Variants in PSD3 observed in about 807,000 individuals in gnomAD.
The protein encoded by PSD3 is PH and SEC7 domain-containing protein 3.
PSD3 carries 49 observed loss-of-function variants against 105.5 expected under a neutral mutation model. That is an observed-to-expected ratio of 0.46 (90% CI 0.37 to 0.59). The LOEUF is 0.59. PSD3 is among the 20% of genes least tolerant of loss of function. The pLI is 0.00. For missense variants in PSD3, 1,561 were observed against 1,263.8 expected (o/e 1.24, Z -3.57); for synonymous variants, 557 against 457.8 (o/e 1.22, Z -2.77).
chr8:18,546,803 C>T (rs769481150), intron 15 of PSD3, among the ~76,000 whole-genome samples: 18 of 152,212 alleles, frequency 1.2e-4, no homozygotes, highest in Non-Finnish European at 2.1e-4. Context: ...ACCCCCACCT[C>T]AACCCCTGAT....
intron 9 of PSD3, among the ~76,000 whole-genome samples, chr8:18,730,538 A>G (rs906554728): frequency 4.6e-5 from 7 of 152,226 alleles, no homozygotes; most frequent in Non-Finnish European, 7.3e-5. Context: ...GGAAAGATAA[A>G]GAAAAGATAC....
intron 9 of PSD3, among the ~76,000 whole-genome samples, chr8:18,763,950 C>G (rs1228535883): frequency 6.6e-6 from 1 of 152,126 alleles, no homozygotes; most frequent in Non-Finnish European, 1.5e-5. Flanking sequence ...CATTGCACAA[C>G]AGCAACAAAT....
intron 1 of PSD3, among the ~76,000 whole-genome samples, chr8:19,019,408 T>G (rs747825668): frequency 2.6e-5 from 4 of 152,226 alleles, no homozygotes; most frequent in Non-Finnish European, 5.9e-5. Context: ...AATATGCATT[T>G]AAAGGAAAGG....
chr8:18,596,500 G>C (rs769658167), intron 12 of PSD3, among the ~76,000 whole-genome samples: 1 of 151,684 alleles, frequency 6.6e-6, no homozygotes, highest in African/African-American at 2.4e-5. Flanking sequence ...AAAGATTAGA[G>C]CAGAAATAAA....
At chr8:19,083,234 C>G (rs193051389) in intron 1 of PSD3, among the ~76,000 whole-genome samples, 28 of 152,334 alleles carry the variant, frequency 1.8e-4, no homozygotes, top group Non-Finnish European at 3.1e-4. Context: ...TAGCAAGATG[C>G]CCACACTGTG....
intron 9 of PSD3, among the ~76,000 whole-genome samples, chr8:18,731,115 A>G (rs1843965): frequency 0.94 from 137,744 of 146,418 alleles, 64,895 homozygotes; most frequent in Middle Eastern, 0.96. Flanking sequence ...AATTAGCTGG[A>G]CGTGGGGGCG....
At chr8:18,785,130 G>T (rs73666716) in intron 8 of PSD3, among the ~76,000 whole-genome samples, 4,109 of 152,146 alleles carry the variant, frequency 0.027, 156 homozygotes, top group African/African-American at 0.088. Flanking sequence ...TCACTCAGGA[G>T]GTCCATTTCA....
intron 3 of PSD3, among the ~76,000 whole-genome samples, chr8:18,871,186 C>T (rs1586283557): frequency 6.6e-6 from 1 of 152,142 alleles, no homozygotes; most frequent in East Asian, 1.9e-4. Context: ...GGACTGAAGG[C>T]ATTGGTGTTA....
intron 4 of PSD3, among the ~76,000 whole-genome samples, chr8:18,836,214 T>A (rs1252712911): frequency 6.6e-6 from 1 of 152,172 alleles, no homozygotes; most frequent in Non-Finnish European, 1.5e-5. Flanking sequence ...GAACTCACGT[T>A]TGATGCAGCA....
At chr8:18,842,499 C>T (rs754060691) in intron 4 of PSD3, among the ~76,000 whole-genome samples, 11 of 152,108 alleles carry the variant, frequency 7.2e-5, no homozygotes, top group East Asian at 5.8e-4. Context: ...TCGGGGAGTC[C>T]GAGGCGGGCG....
chr8:18,563,343 A>ATT (rs566307051), intron 14 of PSD3, among the ~76,000 whole-genome samples: 2 of 148,896 alleles, frequency 1.3e-5, no homozygotes, highest in African/African-American at 2.4e-5. Context: ...GAACAAATAG[A>ATT]TTTTTTTTTT....
intron 2 of PSD3, among the ~76,000 whole-genome samples, chr8:18,900,502 T>C (rs1247117826): frequency 6.6e-6 from 1 of 152,134 alleles, no homozygotes; most frequent in Non-Finnish European, 1.5e-5. Flanking sequence ...ACCCTTCTTA[T>C]AACATCATGA....
chr8:19,025,082 C>A (rs1827499988), intron 1 of PSD3, among the ~76,000 whole-genome samples: 1 of 152,042 alleles, frequency 6.6e-6, no homozygotes, highest in South Asian at 2.1e-4. Flanking sequence ...ATACTAGGGA[C>A]CAATAAGACC....
intron 1 of PSD3, among the ~76,000 whole-genome samples, chr8:19,066,796 C>T (rs1328510861): frequency 6.6e-6 from 1 of 152,188 alleles, no homozygotes; most frequent in East Asian, 1.9e-4. Flanking sequence ...ATAATAAATG[C>T]TCAATAAATG....
chr8:18,668,712 T>A (rs1373929505), intron 9 of PSD3, among the ~76,000 whole-genome samples: 2 of 152,180 alleles, frequency 1.3e-5, no homozygotes, highest in Middle Eastern at 3.2e-3. Context: ...CACACCTGTG[T>A]ACATATATAC....
At chr8:18,784,090 C>G (rs78820070) in intron 8 of PSD3, among the ~76,000 whole-genome samples, 4,070 of 152,148 alleles carry the variant, frequency 0.027, 185 homozygotes, top group African/African-American at 0.091. Context: ...TTTTCAATCC[C>G]TTTTTGCGAA....
At chr8:18,937,275 A>G (rs1477363171) in intron 1 of PSD3, among the ~76,000 whole-genome samples, 3 of 152,198 alleles carry the variant, frequency 2.0e-5, no homozygotes, top group African/African-American at 4.8e-5. Context: ...GAACCTAAAC[A>G]TTAACCAGGA....
rs189475562 is a variant in PSD3 at position 19,071,363 on chromosome 8, T to A, written c.324+12843A>T. ...TATTCTTTATTTCTTAATGAATTACTGTAGGTACATAATAATCATATACGT... is the reference window on the plus strand; with the variant it reads ...TATTCTTTATTTCTTAATGAATTACAGTAGGTACATAATAATCATATACGT... On this transcript the variant is annotated intron_variant, in intron 1 of 1. Transcript: ENST00000521475. 2.5e-3 allele frequency among the ~76,000 whole-genome samples: 387 copies of A among 152,306 alleles called. 4 individuals are homozygous for A. Among genetic ancestry groups the A allele is most frequent in the African/African-American group, 8.7e-3 (363 of 41,566 alleles).
rs532639385 is a variant in PSD3 at position 18,971,918 on chromosome 8, T to A, written c.22-35776A>T. On this transcript the variant is annotated intron_variant, in intron 1 of 15. Coordinates refer to ENST00000327040, the MANE Select transcript of PSD3 (RefSeq NM_015310.4). Reference sequence around the variant, plus strand: ...TCCTCAGGAGGCTGAGGTAGGAGAATCGCTTGAGCCTGGGAGGCAGAGGTT... The same window carrying A: ...TCCTCAGGAGGCTGAGGTAGGAGAAACGCTTGAGCCTGGGAGGCAGAGGTT... Among the ~76,000 whole-genome samples the A allele has an allele frequency of 7.2e-5, 11 of 152,016 alleles. No individual in the cohort carries two copies. In the East Asian group the frequency reaches 2.1e-3, roughly 29 times the overall value.
Sources: gnomAD v4.1 joint callset for allele counts (sites outside exome capture counted in the v4.1 genomes callset) on GRCh38, gnomAD v4.1.1 for gene constraint, MANE v1.5 for transcripts, NCBI Gene and HGNC (gene_info 2026-07-23, HGNC 2026-07-21) for gene names.